The following ZNF385D variants were observed in gnomAD, a reference collection of about 807,000 sequenced individuals.
ZNF385D encodes zinc finger protein 385D.
A neutral mutation model predicts 35.8 loss-of-function variants in ZNF385D; 15 were observed. That is an observed-to-expected ratio of 0.42 (90% CI 0.28 to 0.64). The LOEUF (loss-of-function observed/expected upper bound fraction) is 0.64. Among genes scored for constraint, ZNF385D ranks in the 30% least tolerant of loss-of-function variants. The probability of loss-of-function intolerance (pLI) is 0.23; values close to 1 mark genes in which losing one functional copy is unlikely to be tolerated. For synonymous variants in ZNF385D, 212 were observed against 186.8 expected, an observed-to-expected ratio of 1.13 and a Z score of -1.10; for missense variants, 474 against 494.6, an observed-to-expected ratio of 0.96 and a Z score of 0.39.
At chr3:21,674,196 G>A (rs2066655865) in intron 1 of ZNF385D, among the ~76,000 whole-genome samples, 1 of 152,056 alleles carries the variant, frequency 6.6e-6, no homozygotes, top group Non-Finnish European at 1.5e-5. Flanking sequence ...ATGTCTGATA[G>A]ATTTAATGTC....
At chr3:21,582,595 A>G (rs1227785300) in intron 2 of ZNF385D, among the ~76,000 whole-genome samples, 1 of 152,122 alleles carries the variant, frequency 6.6e-6, no homozygotes, top group Admixed American at 6.6e-5. Context: ...AGACGTTCTC[A>G]GTTGTGGAGA....
chr3:21,761,129 T>C (rs750707205), intron 3 of ZNF385D, among the ~76,000 whole-genome samples: 2 of 152,110 alleles, frequency 1.3e-5, no homozygotes, highest in Non-Finnish European at 2.9e-5. Flanking sequence ...CCAAAGCCAG[T>C]ACCAACTTGC....
At chr3:21,860,831 C>T (rs1697008874) in intron 3 of ZNF385D, among the ~76,000 whole-genome samples, 1 of 152,096 alleles carries the variant, frequency 6.6e-6, no homozygotes. Context: ...GCAACTCCAC[C>T]AGAGTCTCTA....
At chr3:21,576,784 GAAAA>G (rs2063507896) in intron 2 of ZNF385D, among the ~76,000 whole-genome samples, 2 of 152,138 alleles carry the variant, frequency 1.3e-5, no homozygotes, top group Admixed American at 1.3e-4. Flanking sequence ...ACAAGACTGA[GAAAA>G]AAGAAAGGGA....
At chr3:21,814,621 A>T (rs2073069724) in intron 3 of ZNF385D, among the ~76,000 whole-genome samples, 1 of 152,208 alleles carries the variant, frequency 6.6e-6, no homozygotes, top group Non-Finnish European at 1.5e-5. Context: ...TGATTTCAAC[A>T]AGAAGAGCTA....
At chr3:22,288,238 C>G (rs1393051555) in intron 2 of ZNF385D, among the ~76,000 whole-genome samples, 5 of 152,004 alleles carry the variant, frequency 3.3e-5, no homozygotes, top group Non-Finnish European at 7.4e-5. Context: ...TCTTTATATG[C>G]ATCCTATTTA....
In ZNF385D at chr3:21,748,587, A is replaced by C. The variant is rs1215962524; in HGVS notation, c.22+2308T>G. Among the ~76,000 whole-genome samples, 6 of 152,282 alleles carry C rather than the reference A, an allele frequency of 3.9e-5. No individual in the cohort carries two copies. In the East Asian group the frequency reaches 1.2e-3, roughly 29 times the overall value. On this transcript the variant is annotated intron_variant, in intron 1 of 7. Coordinates refer to ENST00000281523, the MANE Select transcript of ZNF385D (RefSeq NM_024697.3). ...GTGACATCTCTACCCCATTCTCACAAGTCACCAGAAAAGCCTAAGAATGCA... is the reference window on the plus strand; with the variant it reads ...GTGACATCTCTACCCCATTCTCACACGTCACCAGAAAAGCCTAAGAATGCA...
chr3:22,224,860 C>T (rs1215284044), intron 2 of ZNF385D, among the ~76,000 whole-genome samples: 2 of 152,114 alleles, frequency 1.3e-5, no homozygotes, highest in African/African-American at 4.8e-5. Context: ...GAGTTGGCAC[C>T]TCTATTCATG....
At chr3:22,182,358 C>G (rs1695335779) in intron 2 of ZNF385D, among the ~76,000 whole-genome samples, 1 of 152,074 alleles carries the variant, frequency 6.6e-6, no homozygotes, top group South Asian at 2.1e-4. Flanking sequence ...TATCCCTAAT[C>G]CCAAACATAC....
At chr3:22,038,842 T>C (rs1698491602) in intron 3 of ZNF385D, among the ~76,000 whole-genome samples, 1 of 151,258 alleles carries the variant, frequency 6.6e-6, no homozygotes, top group South Asian at 2.1e-4. Flanking sequence ...AACATGGTCA[T>C]TATTGTGTCT....
intron 3 of ZNF385D, among the ~76,000 whole-genome samples, chr3:22,021,449 G>A (rs1697219526): frequency 6.6e-6 from 1 of 151,944 alleles, no homozygotes; most frequent in Admixed American, 6.6e-5. Flanking sequence ...TATTACTAGA[G>A]TCACAATATC....
intron 3 of ZNF385D, among the ~76,000 whole-genome samples, chr3:21,762,407 T>G (rs1022402170): frequency 6.6e-6 from 1 of 152,156 alleles, no homozygotes; most frequent in Admixed American, 6.5e-5. Context: ...TCTGAAATGC[T>G]GCTCATCCTC....
chr3:21,529,860 T>A (rs970487504), intron 3 of ZNF385D, among the ~76,000 whole-genome samples: 2 of 152,210 alleles, frequency 1.3e-5, no homozygotes, highest in African/African-American at 4.8e-5. Context: ...TATCTCAGTT[T>A]CTTCATTTGA....
At chr3:21,460,361 C>A (rs1238905097) in intron 4 of ZNF385D, among the ~76,000 whole-genome samples, 2 of 152,048 alleles carry the variant, frequency 1.3e-5, no homozygotes, top group African/African-American at 4.8e-5. Context: ...GACACCAGAT[C>A]GTGTCAAAAA....
chr3:21,461,588 A>G (rs1029987432), intron 4 of ZNF385D, among the ~76,000 whole-genome samples: 2 of 151,468 alleles, frequency 1.3e-5, no homozygotes, highest in Non-Finnish European at 2.9e-5. Flanking sequence ...CTCCTCTTTG[A>G]AATTGTTTTA....
chr3:21,803,365 T>A (rs557402699), intron 3 of ZNF385D, among the ~76,000 whole-genome samples: 4 of 152,314 alleles, frequency 2.6e-5, no homozygotes, highest in South Asian at 4.1e-4. Context: ...AGATTTGTAT[T>A]TTTTACATAG....
chr3:21,712,305 C>G (rs1428867363), intron 1 of ZNF385D, among the ~76,000 whole-genome samples: 2 of 152,160 alleles, frequency 1.3e-5, no homozygotes, highest in Non-Finnish European at 2.9e-5. Flanking sequence ...TGTTACAGAG[C>G]AGGATCCCTG....
intron 2 of ZNF385D, among the ~76,000 whole-genome samples, chr3:22,342,585 C>G (rs1446982922): frequency 6.6e-6 from 1 of 152,126 alleles, no homozygotes; most frequent in East Asian, 1.9e-4. Context: ...AAGAACACAT[C>G]TCTGCAGAAG....
chr3:21,972,156 T>C (rs1278217798), intron 3 of ZNF385D, among the ~76,000 whole-genome samples: 2 of 152,020 alleles, frequency 1.3e-5, no homozygotes, highest in Non-Finnish European at 1.5e-5. Flanking sequence ...ATATACATTC[T>C]TTTTCTCAGC....
Sources: allele counts gnomAD v4.1 joint callset (sites outside exome capture counted in the v4.1 genomes callset), GRCh38; gene constraint gnomAD v4.1.1; transcripts MANE v1.5; gene names NCBI Gene and HGNC (gene_info 2026-07-23, HGNC 2026-07-21).